Variants in LAMA2 observed in about 807,000 individuals in gnomAD.
LAMA2 encodes the protein laminin subunit alpha 2, also known as laminin subunit alpha-2.
Under a neutral mutation model 364.8 loss-of-function variants are expected in LAMA2, and 269 were observed. The observed-to-expected ratio is 0.74, with a 90% CI of 0.67 to 0.82. LAMA2 has a LOEUF of 0.82. Ranked by LOEUF, LAMA2 falls within the 40% of genes least tolerant of loss-of-function variation. LAMA2 has a pLI of 0.00. For missense variants in LAMA2, 3,807 were observed against 3,873.2 expected (o/e 0.98, Z 0.45); for synonymous variants, 1,379 against 1,370.6 (o/e 1.01, Z -0.14).
chr6:129,418,971 A>G (rs1236803698), intron 40 of LAMA2, among the ~76,000 whole-genome samples: 1 of 152,140 alleles, frequency 6.6e-6, no homozygotes, highest in East Asian at 1.9e-4. Flanking sequence ...ATTTAAAAAT[A>G]TGCACTACCT....
At chr6:129,242,466 G>GT (rs1785457428) in intron 12 of LAMA2, among the ~76,000 whole-genome samples, 1 of 152,088 alleles carries the variant, frequency 6.6e-6, no homozygotes, top group Admixed American at 6.5e-5. Flanking sequence ...CATTGATGTT[G>GT]TATATTATGA....
intron 28 of LAMA2, among the ~76,000 whole-genome samples, chr6:129,322,035 G>A (rs1211180790): frequency 6.6e-6 from 1 of 152,126 alleles, no homozygotes; most frequent in Non-Finnish European, 1.5e-5. Context: ...TTTACAAACT[G>A]ACATGCCATT....
chr6:129,212,157 C>T (rs544421281), intron 12 of LAMA2, among the ~76,000 whole-genome samples: 19 of 152,148 alleles, frequency 1.2e-4, no homozygotes, highest in Admixed American at 3.3e-4. Context: ...AGGGGAGGAC[C>T]GAAATAGTAT....
Position 129,354,374 on chromosome 6 carries a change from GAAAAT to G in LAMA2, c.4717+1021_4717+1025del, listed in dbSNP as rs2114595931. 2.0e-5 allele frequency among the ~76,000 whole-genome samples: 3 copies of G among 152,056 alleles called. No individual in the cohort carries two copies. In the East Asian group the frequency reaches 5.8e-4, roughly 29 times the overall value. ...ATCTTTAATGAAAATGTATTACACT[GAAAAT>G]AAATGTGAAGGTAGGTGAGAGGGGA... On this transcript the variant is annotated intron_variant, in intron 32 of 64. Coordinates refer to ENST00000421865, the MANE Select transcript of LAMA2 (RefSeq NM_000426.4).
rs945118173 is a variant in LAMA2 at position 129,008,477 on chromosome 6, G to T, written c.113-41441G>T. On this transcript the variant is annotated intron_variant, in intron 1 of 64. Transcript: ENST00000421865. ...TATCTAATTTATCATAACCCTGGGA[G>T]AGTGGAAATATTGCTATTCTTATTT... 2.0e-4 allele frequency among the ~76,000 whole-genome samples: 31 copies of T among 152,144 alleles called. 1 individual carries two copies. Among genetic ancestry groups the T allele is most frequent in the East Asian group, 1.9e-4 (1 of 5,190 alleles).
At chr6:129,163,270 A>G (rs1268705741) in intron 8 of LAMA2, among the ~76,000 whole-genome samples, 1 of 151,978 alleles carries the variant, frequency 6.6e-6, no homozygotes, top group Non-Finnish European at 1.5e-5. Flanking sequence ...AGATTGGATC[A>G]TTTCCATTCA....
intron 19 of LAMA2, among the ~76,000 whole-genome samples, chr6:129,291,258 G>A (rs551757675): frequency 6.2e-4 from 95 of 152,288 alleles, no homozygotes; most frequent in African/African-American, 2.1e-3. Flanking sequence ...TTCCTGTCAC[G>A]TTCTGGACTC....
chr6:129,164,732 C>T (rs1233391747), intron 8 of LAMA2, among the ~76,000 whole-genome samples: 1 of 152,132 alleles, frequency 6.6e-6, no homozygotes, highest in Admixed American at 6.5e-5. Flanking sequence ...CGGTTGCTTT[C>T]CACTGAATTT....
chr6:129,311,267 G>T (rs1474513851), intron 22 of LAMA2, among the ~76,000 whole-genome samples: 2 of 151,932 alleles, frequency 1.3e-5, no homozygotes, highest in Non-Finnish European at 2.9e-5. Context: ...GACTACAGGC[G>T]TCCGCCACCA....
At chr6:129,220,921 G>A (rs1200233039) in intron 12 of LAMA2, among the ~76,000 whole-genome samples, 1 of 152,148 alleles carries the variant, frequency 6.6e-6, no homozygotes, top group East Asian at 1.9e-4. Flanking sequence ...CAGCACTGTG[G>A]GAGGCCGAGG....
chr6:129,158,927 C>T (rs2114983687), intron 8 of LAMA2: 7 of 1,599,812 alleles, frequency 4.4e-6, no homozygotes, highest in Non-Finnish European at 6.0e-6. Context: ...TGGGCAGTGC[C>T]CTCAGCAATA....
chr6:129,415,811 A>T (rs1449790762), intron 40 of LAMA2, among the ~76,000 whole-genome samples: 1 of 152,096 alleles, frequency 6.6e-6, no homozygotes, highest in African/African-American at 2.4e-5. Context: ...ATGCCACTGC[A>T]CTCCAGCCTG....
intron 27 of LAMA2, 81 bp downstream of exon 27, chr6:129,316,252 A>G: frequency 8.8e-7 from 1 of 1,131,836 alleles, no homozygotes. Context: ...TCAGATAAGA[A>G]AGATTGGAAA....
intron 30 of LAMA2, among the ~76,000 whole-genome samples, chr6:129,346,917 T>A (rs1439514683): frequency 6.6e-6 from 1 of 152,024 alleles, no homozygotes; most frequent in East Asian, 1.9e-4. Context: ...ATGTGAATGG[T>A]GTGAGCCATG....
At chr6:129,453,166 G>A in intron 46 of LAMA2, 35 bp downstream of exon 46, 1 of 1,577,624 alleles carries the variant, frequency 6.3e-7, no homozygotes, top group Non-Finnish European at 8.7e-7. Flanking sequence ...TTAGGCTGCT[G>A]TATGTGTATA....
chr6:128,925,862 C>T (rs1162637814), intron 1 of LAMA2, among the ~76,000 whole-genome samples: 1 of 151,932 alleles, frequency 6.6e-6, no homozygotes, highest in Non-Finnish European at 1.5e-5. Context: ...TCTTGTTCTG[C>T]ATGTTCAACA....
intron 50 of LAMA2, 130 bp downstream of exon 50, chr6:129,464,582 G>A (rs1039561052): frequency 3.6e-6 from 3 of 835,224 alleles, no homozygotes; most frequent in Admixed American, 1.7e-5. Context: ...ATGATTGTCT[G>A]GCAGCCAAGA....
At chr6:129,232,586 A>C (rs1282117340) in intron 12 of LAMA2, among the ~76,000 whole-genome samples, 1 of 152,164 alleles carries the variant, frequency 6.6e-6, no homozygotes, top group Non-Finnish European at 1.5e-5. Flanking sequence ...TTTCAAATTA[A>C]AATTCTGGCT....
chr6:129,074,558 A>G (rs1773509554), intron 3 of LAMA2, among the ~76,000 whole-genome samples: 1 of 152,190 alleles, frequency 6.6e-6, no homozygotes, highest in Non-Finnish European at 1.5e-5. Context: ...GATGCCTTCA[A>G]ACTGCTGTTT....
Sources: gnomAD v4.1 joint callset for allele counts (sites outside exome capture counted in the v4.1 genomes callset) on GRCh38, gnomAD v4.1.1 for gene constraint, MANE v1.5 for transcripts, NCBI Gene and HGNC (gene_info 2026-07-23, HGNC 2026-07-21) for gene names.